The following FBXO4 variants were observed in gnomAD, a reference collection of about 807,000 sequenced individuals.
FBXO4 encodes F-box only protein 4.
FBXO4 carries 36 observed loss-of-function variants against 43.7 expected under a neutral mutation model. The observed-to-expected ratio is 0.82, with a 90% CI of 0.63 to 1.09. The LOEUF (loss-of-function observed/expected upper bound fraction) is 1.09, where lower values mean the gene tolerates loss of function less well. FBXO4 is among the 50% of genes least tolerant of loss of function. The pLI is 0.00. For synonymous variants in FBXO4, 180 were observed against 165.6 expected (o/e 1.09, Z -0.67); for missense variants, 435 against 474.1 (o/e 0.92, Z 0.77).
the FBXO4 span, chr5:41,964,075 CCT>C: frequency 6.6e-6 from 1 of 152,050 alleles, no homozygotes; most frequent in Admixed American, 6.6e-5. Context: ...TAAGGAAATT[CCT>C]CTGATGTTGA....
chr5:42,006,352 A>G, the FBXO4 span, among the ~76,000 whole-genome samples: 33 of 152,128 alleles, frequency 2.2e-4, no homozygotes, highest in African/African-American at 8.0e-4. Context: ...AGGACCCCTA[A>G]TTAATTTCTA....
chr5:41,966,440 A>T, the FBXO4 span, among the ~76,000 whole-genome samples: 1 of 152,196 alleles, frequency 6.6e-6, no homozygotes, highest in Non-Finnish European at 1.5e-5. Flanking sequence ...TGAATAATTT[A>T]TAAAATAAAC....
chr5:41,988,559 T>C, the FBXO4 span, among the ~76,000 whole-genome samples: 2 of 152,184 alleles, frequency 1.3e-5, no homozygotes, highest in African/African-American at 4.8e-5. Context: ...CTTGTCTGCA[T>C]TGAGACTCCA....
chr5:41,981,682 A>T, the FBXO4 span, among the ~76,000 whole-genome samples: 129 of 150,840 alleles, frequency 8.6e-4, 2 homozygotes, highest in Admixed American at 8.5e-3. Context: ...TAATTAAAAA[A>T]TTTATTTGTT....
Position 41,941,683 on chromosome 5 carries a change from G to T in FBXO4, c.*402G>T. 1 of 156,782 alleles carries T rather than the reference G, an allele frequency of 6.4e-6. No individual in the cohort carries two copies. The highest frequency in any genetic ancestry group is 1.9e-4 in the South Asian group (1 of 5,370). The allele number at this position is 156,782 out of a possible 1,614,324, so 9.7% of individuals were successfully genotyped here. On this transcript the variant is annotated 3_prime_UTR_variant, in exon 7 of 7. Coordinates refer to ENST00000281623, the MANE Select transcript of FBXO4 (RefSeq NM_012176.3). ...TCAGTCTTTTCAAGGGTTCATAAGT[G>T]GTTATCAGAAAAGAAATTTTTATCT...
chr5:42,028,548 C>T, the FBXO4 span, among the ~76,000 whole-genome samples: 2 of 151,680 alleles, frequency 1.3e-5, no homozygotes, highest in Admixed American at 1.3e-4. Flanking sequence ...GAAGTAAGGA[C>T]TTCCTCCTGC....
the FBXO4 span, among the ~76,000 whole-genome samples, chr5:42,011,809 T>G: frequency 3.9e-5 from 6 of 152,328 alleles, no homozygotes. Flanking sequence ...CAAATAACCA[T>G]GCCAAATTTG....
chr5:41,966,339 A>T, the FBXO4 span, among the ~76,000 whole-genome samples: 1 of 152,186 alleles, frequency 6.6e-6, no homozygotes, highest in East Asian at 1.9e-4. Flanking sequence ...AAAAAGATAC[A>T]CCAAAGAAAC....
chr5:42,010,376 C>T, the FBXO4 span, among the ~76,000 whole-genome samples: 8 of 152,120 alleles, frequency 5.3e-5, no homozygotes, highest in Admixed American at 4.6e-4. Context: ...GGCATGGTAG[C>T]ACGTGCCTGT....
At chr5:41,946,061 TCCCTCACTAACCTACCCACG>T (rs1752073011), downstream of FBXO4, among the ~76,000 whole-genome samples, 1 of 152,170 alleles carries the variant, frequency 6.6e-6, no homozygotes, top group Non-Finnish European at 1.5e-5. Flanking sequence ...TGACCTTAAA[TCCCTCACTAACCTACCCACG>T]CCCTCACTAA....
the FBXO4 span, among the ~76,000 whole-genome samples, chr5:42,033,739 G>C: frequency 6.6e-6 from 1 of 152,122 alleles, no homozygotes; most frequent in Non-Finnish European, 1.5e-5. Context: ...ATAGCATTCC[G>C]TGGTGTATAT....
chr5:41,941,394 C>T lies in FBXO4; in HGVS notation c.*113C>T. 1.3e-6 allele frequency: 1 copy of T among 774,280 alleles called. No homozygotes were observed. 48.0% of individuals were successfully genotyped at this position (774,280 alleles called of 1,614,324 possible). On this transcript the variant is annotated 3_prime_UTR_variant, in exon 7 of 7. Transcript: ENST00000281623. ...TCCTGCCTTTTTGCAGATAGGCTTTCATTTGGACAGCTATAACTGCTGTGT... is the reference window on the plus strand; with the variant it reads ...TCCTGCCTTTTTGCAGATAGGCTTTTATTTGGACAGCTATAACTGCTGTGT...
At chr5:42,008,119 G>A in the FBXO4 span, among the ~76,000 whole-genome samples, 1 of 152,266 alleles carries the variant, frequency 6.6e-6, no homozygotes, top group South Asian at 2.1e-4. Context: ...TCCAGAGAAA[G>A]TTGAGTCTAC....
At chr5:42,019,063 G>T in the FBXO4 span, among the ~76,000 whole-genome samples, 1 of 152,082 alleles carries the variant, frequency 6.6e-6, no homozygotes, top group African/African-American at 2.4e-5. Context: ...TTTAACTGAA[G>T]AATTGAATTT....
chr5:42,014,519 G>C, the FBXO4 span, among the ~76,000 whole-genome samples: 1 of 152,278 alleles, frequency 6.6e-6, no homozygotes, highest in East Asian at 1.9e-4. Context: ...AGACAGGTTT[G>C]ACTTTAAATC....
the FBXO4 span, among the ~76,000 whole-genome samples, chr5:42,005,943 T>C: frequency 6.6e-6 from 1 of 152,112 alleles, no homozygotes; most frequent in African/African-American, 2.4e-5. Flanking sequence ...TAAGGCCCCC[T>C]GTGACCTAAC....
the FBXO4 span, among the ~76,000 whole-genome samples, chr5:41,972,527 A>C: frequency 6.6e-6 from 1 of 152,228 alleles, no homozygotes; most frequent in Non-Finnish European, 1.5e-5. Flanking sequence ...TGTTATTCTT[A>C]TCAAACCACC....
chr5:42,003,801 G>C, the FBXO4 span, among the ~76,000 whole-genome samples: 1 of 151,864 alleles, frequency 6.6e-6, no homozygotes, highest in Non-Finnish European at 1.5e-5. Context: ...TTCAACCATT[G>C]TGGAAGACAG....
At chr5:41,942,018 C>T (rs1016854320), downstream of FBXO4, among the ~76,000 whole-genome samples, 3 of 152,080 alleles carry the variant, frequency 2.0e-5, no homozygotes, top group Admixed American at 6.6e-5. Flanking sequence ...CCTAATATCT[C>T]ACTGGAACTC....
Sources: allele counts gnomAD v4.1 joint callset (sites outside exome capture counted in the v4.1 genomes callset), GRCh38; gene constraint gnomAD v4.1.1; transcripts MANE v1.5; gene names NCBI Gene and HGNC (gene_info 2026-07-23, HGNC 2026-07-21).